WDR3: variants seen among roughly 807,000 people sequenced by gnomAD.
The protein encoded by WDR3 is WD repeat-containing protein 3.
WDR3 carries 81 observed loss-of-function variants against 123.7 expected under a neutral mutation model. The ratio of observed to expected loss-of-function variants is 0.65; its 90% CI spans 0.55 to 0.79. The LOEUF (loss-of-function observed/expected upper bound fraction) is 0.79, where lower values mean the gene tolerates loss of function less well. Ranked by LOEUF, WDR3 falls within the 30% of genes least tolerant of loss-of-function variation. WDR3 has a pLI of 0.00. For missense variants in WDR3, 1,027 were observed against 1,123.2 expected (o/e 0.91, Z 1.22); for synonymous variants, 390 against 388.8 (o/e 1.00, Z -0.04).
chr1:117,930,838 A>G (rs1478935624), intron 1 of WDR3, among the ~76,000 whole-genome samples: 1 of 152,240 alleles, frequency 6.6e-6, no homozygotes, highest in African/African-American at 2.4e-5. Flanking sequence ...GGCTTTGGCA[A>G]TTAGCTGCTA....
At chr1:117,944,658 T>A (rs1651303908) in intron 11 of WDR3, among the ~76,000 whole-genome samples, 1 of 152,206 alleles carries the variant, frequency 6.6e-6, no homozygotes, top group Admixed American at 6.5e-5. Context: ...GATTACTTGC[T>A]ACCAGTTGTA....
At chr1:117,947,137 C>T (rs539190855) in intron 12 of WDR3, among the ~76,000 whole-genome samples, 2 of 152,070 alleles carry the variant, frequency 1.3e-5, no homozygotes, top group South Asian at 2.1e-4. Flanking sequence ...TGGAAAATGA[C>T]GTTACTGACC....
chr1:117,954,461 T>C (rs186457338), intron 22 of WDR3, 119 bp from the exon 23 acceptor site: 1 of 966,014 alleles, frequency 1.0e-6, no homozygotes, highest in Non-Finnish European at 1.5e-6. Flanking sequence ...CTCTGTCAGT[T>C]TTTTAGGGTC....
intron 26 of WDR3, 22 bp from the exon 27 acceptor site, chr1:117,959,270 T>C: frequency 6.3e-7 from 1 of 1,595,430 alleles, no homozygotes; most frequent in Non-Finnish European, 8.5e-7. Context: ...AATTTTTTAA[T>C]ATTTCTTGTA....
intron 4 of WDR3, 51 bp from the exon 5 acceptor site, chr1:117,938,429 A>G: frequency 6.7e-7 from 1 of 1,493,786 alleles, no homozygotes; most frequent in South Asian, 1.2e-5. Flanking sequence ...CTATTCGTTG[A>G]ATGAGTTTTC....
At chr1:117,948,570 G>T in intron 13 of WDR3, 64 bp downstream of exon 13, 15 of 1,111,958 alleles carry the variant, frequency 1.3e-5, no homozygotes, top group South Asian at 7.4e-5. Context: ...TTCTCTCAGG[G>T]TTTCTTTAAA....
In WDR3 at chr1:117,934,627, C is replaced by T; in HGVS notation, c.326C>T (p.Ala109Val). 2 of 1,614,020 alleles carry T rather than the reference C, an allele frequency of 1.2e-6. No individual in the cohort carries two copies. Among genetic ancestry groups the T allele is most frequent in the Non-Finnish European group, 1.7e-6 (2 of 1,179,982 alleles). Residue 109 changes from alanine to valine, a missense_variant, in exon 3 of 27, where the codon GCT (alanine) becomes GTT (valine). Transcript: ENST00000349139. ...GNVTFNGHKA[A>V]ITTLKYDQLG... ...GTGACCTTCAATGGTCACAAAGCAGCTATCACTACCTTGAAGTATGATCAG... is the reference window on the plus strand; with the variant it reads ...GTGACCTTCAATGGTCACAAAGCAGTTATCACTACCTTGAAGTATGATCAG...
Position 117,957,121 on chromosome 1 carries a change from T to C in WDR3, c.2507T>C (p.Leu836Pro). The stretch of plus-strand genomic sequence containing the variant: ...CCTTTCTCTTATGTCCCAGACATTC[T>C]TAAACTCTTTAACGAATTCATTCAG... ...VLPFSYVPDILKLFNEFIQLG... is the reference protein window; with the variant it reads ...VLPFSYVPDIPKLFNEFIQLG... The change falls in exon 25 of 27, where the codon CTT becomes CCT. Residue 836 changes from leucine (L) to proline (P), a missense_variant. Leu to Pro is a moderately conservative substitution (Grantham distance 98). Transcript: ENST00000349139. 6.2e-7 allele frequency: 1 copy of C among 1,612,390 alleles called. No individual in the cohort carries two copies. Among genetic ancestry groups the C allele is most frequent in the Non-Finnish European group, 8.5e-7 (1 of 1,179,380 alleles).
intron 20 of WDR3, among the ~76,000 whole-genome samples, 195 bp downstream of exon 20, chr1:117,953,191 A>T (rs910145694): frequency 6.6e-6 from 1 of 152,142 alleles, no homozygotes; most frequent in Non-Finnish European, 1.5e-5. Context: ...TGATTGACCA[A>T]ATTTGCTACT....
chr1:117,963,794 T>A lies in WDR3; in HGVS notation c.*4347T>A, dbSNP rs199684236. On this transcript the variant is annotated 3_prime_UTR_variant, in exon 27 of 27. Coordinates refer to ENST00000349139, the MANE Select transcript of WDR3 (RefSeq NM_006784.3). ...AATCAAATTCCCATTTATTACTTAC[T>A]GTACCTAATGTGGAGAAACTTTACG... The A allele has an allele frequency of 1.8e-5, 29 of 1,606,486 alleles. No individual in the cohort carries two copies. In the South Asian group the frequency reaches 3.0e-4, roughly 17 times the overall value.
At chr1:117,946,595 A>G (rs116754815) in intron 12 of WDR3, among the ~76,000 whole-genome samples, 1,705 of 152,274 alleles carry the variant, frequency 0.011, 30 homozygotes, top group African/African-American at 0.039. Context: ...TTGGGAGACA[A>G]CCATGTGGAA....
At chr1:117,947,473 T>C (rs964959735) in intron 12 of WDR3, among the ~76,000 whole-genome samples, 2 of 152,198 alleles carry the variant, frequency 1.3e-5, no homozygotes, top group African/African-American at 4.8e-5. Context: ...CTCAAAACTT[T>C]CCTTCCTTTT....
chr1:117,962,963 C>T lies in WDR3; in HGVS notation c.*3516C>T. On this transcript the variant is annotated 3_prime_UTR_variant, in exon 27 of 27. Coordinates refer to ENST00000349139, the MANE Select transcript of WDR3 (RefSeq NM_006784.3). The stretch of plus-strand genomic sequence containing the variant: ...AACCACATTGGCTTACAGTTACTGT[C>T]TGCAATCCACCCCCATTCCTCACAA... 6.6e-6 allele frequency: 1 copy of T among 152,228 alleles called. No homozygotes were observed. The highest frequency in any genetic ancestry group is 6.5e-5 in the Admixed American group (1 of 15,288). The allele number at this position is 152,228 out of a possible 1,614,324, so 9.4% of individuals were successfully genotyped here.
intron 1 of WDR3, chr1:117,930,025 C>G (rs1431164844): frequency 6.6e-6 from 1 of 152,528 alleles, no homozygotes; most frequent in Non-Finnish European, 1.5e-5. Context: ...TGTGCACGGG[C>G]TGGCCTGAGG....
chr1:117,933,797 T>G (rs1475494614), intron 2 of WDR3: 1 of 351,298 alleles, frequency 2.8e-6, no homozygotes, highest in African/African-American at 2.1e-5. Context: ...CCAATTCTAT[T>G]TTTCAAGCTC....
At chr1:117,952,118 T>G (rs753415947) in intron 17 of WDR3, 42 bp downstream of exon 17, 1 of 1,584,522 alleles carries the variant, frequency 6.3e-7, no homozygotes, top group East Asian at 2.2e-5. Flanking sequence ...GAGTCACCTG[T>G]AAGTTATCAC....
intron 24 of WDR3, among the ~76,000 whole-genome samples, chr1:117,956,634 G>A (rs2101276959): frequency 6.6e-6 from 1 of 152,218 alleles, no homozygotes; most frequent in South Asian, 2.1e-4. Context: ...GCTAGTTCTA[G>A]AGGGAACTAT....
rs776024155 is a variant in WDR3, at chr1:117,933,303, G to C, written c.-17G>C. 6.2e-7 allele frequency: 1 copy of C among 1,613,464 alleles called. No individual in the cohort carries two copies. The highest frequency in any genetic ancestry group is 1.7e-5 in the Admixed American group (1 of 60,012). On this transcript the variant is annotated 5_prime_UTR_variant, in exon 2 of 27. Coordinates refer to ENST00000349139, the MANE Select transcript of WDR3 (RefSeq NM_006784.3). ...ATATGCACAGATTGCTTCACCTGTG[G>C]TATCAGACATCACAACATGGGGCTC...
intron 21 of WDR3, 87 bp from the exon 22 acceptor site, chr1:117,953,920 C>A: frequency 8.8e-7 from 1 of 1,142,784 alleles, no homozygotes; most frequent in Non-Finnish European, 1.3e-6. Flanking sequence ...TTTCATTTGG[C>A]AAATTTCTGG....
Sources: gnomAD v4.1 joint callset for allele counts (sites outside exome capture counted in the v4.1 genomes callset) on GRCh38, gnomAD v4.1.1 for gene constraint, MANE v1.5 for transcripts, NCBI Gene and HGNC (gene_info 2026-07-23, HGNC 2026-07-21) for gene names.